DNAH7: variants seen among roughly 807,000 people sequenced by gnomAD.
DNAH7 encodes dynein axonemal heavy chain 7, also known as axonemal beta dynein heavy chain 7.
A neutral mutation model predicts 444.6 loss-of-function variants in DNAH7; 397 were observed. That is an observed-to-expected ratio of 0.89 (90% CI 0.82 to 0.97). The LOEUF (loss-of-function observed/expected upper bound fraction) is 0.97, where lower values mean the gene tolerates loss of function less well. Among genes scored for constraint, DNAH7 ranks in the 50% least tolerant of loss-of-function variants. The pLI is 0.00. For missense variants in DNAH7, 4,902 were observed against 4,800.8 expected (o/e 1.02, Z -0.62); for synonymous variants, 1,636 against 1,624.4 (o/e 1.01, Z -0.17).
chr2:196,040,369 C>A (rs890534515), intron 5 of DNAH7, among the ~76,000 whole-genome samples: 3 of 152,002 alleles, frequency 2.0e-5, no homozygotes, highest in Non-Finnish European at 2.9e-5. Flanking sequence ...AGATAATATA[C>A]CACAATCCAC....
At position 195,900,513 on chromosome 2, in the gene DNAH7, T is replaced by C. The variant is rs1686636295; in HGVS notation, c.4336-19A>G. 1 of 1,607,850 alleles carries C rather than the reference T, an allele frequency of 6.2e-7. No homozygotes were observed. The highest frequency in any genetic ancestry group is 1.7e-5 in the Admixed American group (1 of 59,926). ...AGAGAGCCTATGGGTAGGTAGAAAGTTACTTTTAAAAGGATCATCATAAAA... is the reference window on the plus strand; with the variant it reads ...AGAGAGCCTATGGGTAGGTAGAAAGCTACTTTTAAAAGGATCATCATAAAA... On this transcript the variant is annotated intron_variant, in intron 27 of 64. Coordinates refer to ENST00000312428, the MANE Select transcript of DNAH7 (RefSeq NM_018897.3).
chr2:195,912,533 G>T (rs1330058583), intron 24 of DNAH7, among the ~76,000 whole-genome samples: 5 of 152,128 alleles, frequency 3.3e-5, no homozygotes, highest in African/African-American at 1.2e-4. Context: ...CCCAAAAGAG[G>T]GTCTGTGTGT....
chr2:196,021,443 A>T (rs568648807), intron 8 of DNAH7, among the ~76,000 whole-genome samples: 1 of 152,122 alleles, frequency 6.6e-6, no homozygotes, highest in Non-Finnish European at 1.5e-5. Context: ...CGTCACACAA[A>T]TTTTTGGTTT....
chr2:195,886,342 A>T, intron 33 of DNAH7, 70 bp from the exon 34 acceptor site: 1 of 1,397,724 alleles, frequency 7.2e-7, no homozygotes, highest in Non-Finnish European at 9.8e-7. Flanking sequence ...CCCAGCTAAT[A>T]TTTATTAAGC....
chr2:195,895,282 T>C, intron 29 of DNAH7, 58 bp from the exon 30 acceptor site: 1 of 1,191,060 alleles, frequency 8.4e-7, no homozygotes, highest in Non-Finnish European at 1.1e-6. Context: ...AATACAAATA[T>C]TTTGTATTGA....
chr2:196,054,157 G>A (rs1697658023), intron 2 of DNAH7, among the ~76,000 whole-genome samples: 1 of 152,198 alleles, frequency 6.6e-6, no homozygotes, highest in South Asian at 2.1e-4. Flanking sequence ...AATCGAAAAA[G>A]TTTACATTTC....
chr2:195,989,393 G>A (rs1693148001), intron 12 of DNAH7, among the ~76,000 whole-genome samples: 1 of 152,130 alleles, frequency 6.6e-6, no homozygotes, highest in Non-Finnish European at 1.5e-5. Flanking sequence ...CTAGAGTGAG[G>A]TGACATCTCA....
chr2:195,933,520 C>A (rs934859800), intron 21 of DNAH7, among the ~76,000 whole-genome samples: 23 of 152,030 alleles, frequency 1.5e-4, no homozygotes, highest in Admixed American at 5.2e-4. Context: ...CAGTGATAGA[C>A]TGGATTAAGA....
chr2:195,771,878 C>G lies in DNAH7; in HGVS notation c.11215G>C (p.Gly3739Arg). Residue 3739 changes from glycine to arginine, a missense_variant, in exon 61 of 65, where the codon GGT becomes CGT. By Grantham distance (125) the Gly-to-Arg change is moderately radical. Coordinates refer to ENST00000312428, the MANE Select transcript of DNAH7 (RefSeq NM_018897.3). ...NILLTQSRSA[G>R]AGAKSSDEVV... Reference sequence around the variant, plus strand: ...TCATCTGATGATTTTGCACCAGCACCTGCTGAACGAGACTATGAAGAATCC... The same window carrying G: ...TCATCTGATGATTTTGCACCAGCACGTGCTGAACGAGACTATGAAGAATCC... 1.2e-6 allele frequency: 2 copies of G among 1,614,128 alleles called. No homozygotes were observed. The highest frequency in any genetic ancestry group is 1.7e-6 in the Non-Finnish European group (2 of 1,179,976).
chr2:196,008,983 G>T (rs1694555990), intron 10 of DNAH7, among the ~76,000 whole-genome samples: 1 of 152,180 alleles, frequency 6.6e-6, no homozygotes, highest in African/African-American at 2.4e-5. Context: ...TACGGCAGAA[G>T]GTGAAGGGGG....
intron 12 of DNAH7, chr2:195,995,651 G>A (rs760570226): frequency 5.3e-5 from 12 of 225,600 alleles, no homozygotes; most frequent in Non-Finnish European, 8.9e-5. Flanking sequence ...GGGTGAAGGC[G>A]GGCACCAGTG....
Position 195,738,013 on chromosome 2 carries a change from T to C in DNAH7, c.11983A>G (p.Asn3995Asp). Reference sequence around the variant, plus strand: ...GGAAGAGTCATGGCAATCACAAAATTCGTGGAATGGCCAGTGGTGGATAAT... The same window carrying C: ...GGAAGAGTCATGGCAATCACAAAATCCGTGGAATGGCCAGTGGTGGATAAT... Reference protein sequence around the residue: ...GVLSTTGHSTNFVIAMTLPSD... With the variant: ...GVLSTTGHSTDFVIAMTLPSD... The change falls in exon 65 of 65, where the codon AAT becomes GAT. Residue 3995 changes from asparagine (N) to aspartate (D), a missense_variant. Transcript: ENST00000312428. The C allele has an allele frequency of 6.2e-7, 1 of 1,614,080 alleles. No homozygotes were observed. The highest frequency in any genetic ancestry group is 1.1e-5 in the South Asian group (1 of 91,084).
At chr2:195,932,783 T>G (rs1688787774) in intron 21 of DNAH7, among the ~76,000 whole-genome samples, 1 of 152,164 alleles carries the variant, frequency 6.6e-6, no homozygotes, top group South Asian at 2.1e-4. Context: ...TTGATTGTGG[T>G]GGATAAGCTT....
At chr2:196,036,799 A>C (rs1264004629) in intron 5 of DNAH7, among the ~76,000 whole-genome samples, 1 of 152,164 alleles carries the variant, frequency 6.6e-6, no homozygotes, top group African/African-American at 2.4e-5. Flanking sequence ...CTGGGCCCCA[A>C]AGAGCAGATC....
chr2:195,982,243 A>T (rs1692623275), intron 15 of DNAH7, among the ~76,000 whole-genome samples: 1 of 152,210 alleles, frequency 6.6e-6, no homozygotes, highest in East Asian at 1.9e-4. Flanking sequence ...CAACATCACC[A>T]ATCATCAGAG....
intron 15 of DNAH7, among the ~76,000 whole-genome samples, chr2:195,979,248 A>G (rs1692402199): frequency 1.3e-5 from 2 of 152,146 alleles, no homozygotes; most frequent in African/African-American, 4.8e-5. Flanking sequence ...TAAAACTTTC[A>G]AAAAATTGAA....
intron 51 of DNAH7, among the ~76,000 whole-genome samples, chr2:195,815,223 G>A (rs934754960): frequency 1.5e-4 from 23 of 151,664 alleles, no homozygotes; most frequent in African/African-American, 5.1e-4. Context: ...TTTCAGAACT[G>A]GAAGAAATAA....
chr2:195,903,748 G>A (rs906486604), intron 27 of DNAH7: 4 of 152,076 alleles, frequency 2.6e-5, no homozygotes, highest in African/African-American at 4.8e-5. Context: ...TCGTCTACTT[G>A]TAGATTACAA....
chr2:195,939,059 G>T (rs892094297), intron 19 of DNAH7, among the ~76,000 whole-genome samples: 2 of 151,944 alleles, frequency 1.3e-5, no homozygotes, highest in Admixed American at 6.6e-5. Flanking sequence ...TTGAAAATGG[G>T]GATAAAAGCC....
Sources: allele counts gnomAD v4.1 joint callset (sites outside exome capture counted in the v4.1 genomes callset), GRCh38; gene constraint gnomAD v4.1.1; transcripts MANE v1.5; gene names NCBI Gene and HGNC (gene_info 2026-07-23, HGNC 2026-07-21).